Variants in FCHSD2 observed in about 807,000 individuals in gnomAD.
FCHSD2 encodes F-BAR and double SH3 domains protein 2.
Under a neutral mutation model 108.1 loss-of-function variants are expected in FCHSD2, and 38 were observed. That is an observed-to-expected ratio of 0.35 (90% CI 0.27 to 0.46). The LOEUF (loss-of-function observed/expected upper bound fraction) is 0.46. Among genes scored for constraint, FCHSD2 ranks in the 20% least tolerant of loss-of-function variants. The pLI is 1.00. For missense variants in FCHSD2, 751 were observed against 897.8 expected (o/e 0.84, Z 2.09); for synonymous variants, 279 against 314.7 (o/e 0.89, Z 1.20).
chr11:73,125,523 G>A (rs1489579708), intron 2 of FCHSD2, among the ~76,000 whole-genome samples: 1 of 152,070 alleles, frequency 6.6e-6, no homozygotes, highest in Non-Finnish European at 1.5e-5. Context: ...GGGAGACATA[G>A]TAAGACCCTG....
intron 12 of FCHSD2, among the ~76,000 whole-genome samples, chr11:72,876,635 T>C (rs374737492): frequency 1.6e-4 from 25 of 152,342 alleles, no homozygotes; most frequent in African/African-American, 5.5e-4. Flanking sequence ...AAAGAACATA[T>C]ATTCTACTCA....
intron 2 of FCHSD2, among the ~76,000 whole-genome samples, chr11:73,138,746 T>A (rs1420090531): frequency 6.6e-6 from 1 of 151,808 alleles, no homozygotes; most frequent in Non-Finnish European, 1.5e-5. Context: ...TAGCTAGGAC[T>A]ACAGGCGCAC....
intron 3 of FCHSD2, among the ~76,000 whole-genome samples, chr11:73,016,244 A>C (rs1046624462): frequency 6.6e-6 from 1 of 150,594 alleles, no homozygotes; most frequent in Non-Finnish European, 1.5e-5. Flanking sequence ...CGGAGGCTGC[A>C]GTGAGCCGAG....
chr11:72,848,556 T>C (rs182679253), intron 14 of FCHSD2, among the ~76,000 whole-genome samples: 13 of 152,372 alleles, frequency 8.5e-5, no homozygotes, highest in Admixed American at 8.5e-4. Context: ...CTTCATAGAT[T>C]GTCCATTCCT....
chr11:73,119,637 T>C (rs1418201980), intron 2 of FCHSD2, among the ~76,000 whole-genome samples: 1 of 152,090 alleles, frequency 6.6e-6, no homozygotes, highest in Non-Finnish European at 1.5e-5. Flanking sequence ...TTTGTAGAGA[T>C]GGGATTTCAC....
At chr11:72,978,574 C>T (rs1857152032) in intron 8 of FCHSD2, among the ~76,000 whole-genome samples, 1 of 152,112 alleles carries the variant, frequency 6.6e-6, no homozygotes, top group Non-Finnish European at 1.5e-5. Flanking sequence ...TTGTAATCCC[C>T]ATATATCGGG....
chr11:72,842,588 T>C, intron 17 of FCHSD2, 33 bp downstream of exon 17: 1 of 1,612,828 alleles, frequency 6.2e-7, no homozygotes, highest in Non-Finnish European at 8.5e-7. Context: ...TCTTTAAACA[T>C]CTTTTAATTC....
rs548270288 is a variant in FCHSD2, at chr11:73,044,738, T to C, written c.166-28853A>G. Among the ~76,000 whole-genome samples the C allele has an allele frequency of 3.9e-5, 6 of 152,290 alleles. No homozygotes were observed. In the South Asian group the frequency reaches 1.2e-3, roughly 32 times the overall value. On this transcript the variant is annotated intron_variant, in intron 3 of 19. Coordinates refer to ENST00000409418, the MANE Select transcript of FCHSD2 (RefSeq NM_014824.3). ...AAAACAGTGCACATAGTACATGCAA[T>C]AATTTAACATTCTAGCATGTTATAT...
At chr11:73,040,572 G>A (rs1283876761) in intron 3 of FCHSD2, among the ~76,000 whole-genome samples, 1 of 152,012 alleles carries the variant, frequency 6.6e-6, no homozygotes, top group Admixed American at 6.6e-5. Context: ...ATAAAGAAAT[G>A]AACAAACTTT....
chr11:72,905,670 T>C (rs1408164327), intron 9 of FCHSD2, among the ~76,000 whole-genome samples: 1 of 152,088 alleles, frequency 6.6e-6, no homozygotes, highest in Non-Finnish European at 1.5e-5. Context: ...CTCCCATCTA[T>C]GAGTGAGAAC....
chr11:72,969,965 T>C (rs1186980275), intron 8 of FCHSD2, among the ~76,000 whole-genome samples: 1 of 152,238 alleles, frequency 6.6e-6, no homozygotes, highest in Non-Finnish European at 1.5e-5. Flanking sequence ...TATTTTAATC[T>C]GTGACTAAGC....
rs145253354 is a variant in FCHSD2, at chr11:72,866,007, T to C, written c.1308+1858A>G. Among the ~76,000 whole-genome samples the C allele has an allele frequency of 7.2e-3, 1,093 of 152,296 alleles. 5 individuals are homozygous for C. Among genetic ancestry groups the C allele is most frequent in the Non-Finnish European group, 0.01 (713 of 68,022 alleles). On this transcript the variant is annotated intron_variant, in intron 13 of 19. Transcript: ENST00000409418. ...GAAGTAAGTACAAAGTTAGATGGTA[T>C]GTGCCTGCTCAGTTCAAAGTCAGAT...
chr11:72,896,647 A>G (rs1855423577), intron 10 of FCHSD2, among the ~76,000 whole-genome samples: 2 of 152,102 alleles, frequency 1.3e-5, no homozygotes, highest in South Asian at 4.2e-4. Context: ...GATCAATCCA[A>G]TAAGGGAGTT....
At chr11:72,984,005 C>A in intron 8 of FCHSD2, 83 bp downstream of exon 8, 6 of 1,096,500 alleles carry the variant, frequency 5.5e-6, no homozygotes, top group Non-Finnish European at 5.4e-6. Context: ...TTTATAGATT[C>A]AATCCCATAA....
chr11:72,922,206 G>A (rs1364256564), intron 8 of FCHSD2, among the ~76,000 whole-genome samples: 3 of 152,154 alleles, frequency 2.0e-5, no homozygotes, highest in African/African-American at 4.8e-5. Flanking sequence ...ACACAACTTA[G>A]AGACAAAATG....
chr11:72,957,516 C>A (rs1476887105), intron 8 of FCHSD2, among the ~76,000 whole-genome samples: 4 of 150,530 alleles, frequency 2.7e-5, no homozygotes, highest in African/African-American at 9.8e-5. Context: ...AGGAACTCTT[C>A]TAGATTGAAG....
chr11:72,934,126 A>G (rs1342213871), intron 8 of FCHSD2, among the ~76,000 whole-genome samples: 1 of 151,086 alleles, frequency 6.6e-6, no homozygotes, highest in Admixed American at 6.6e-5. Context: ...AAAAAAAAAA[A>G]AAAAAAAAGA....
At chr11:72,966,453 C>A (rs1473484747) in intron 8 of FCHSD2, among the ~76,000 whole-genome samples, 1 of 152,168 alleles carries the variant, frequency 6.6e-6, no homozygotes, top group Non-Finnish European at 1.5e-5. Context: ...AACCACCACA[C>A]CCGGACTAAA....
At chr11:73,016,897 G>A (rs1380962093) in intron 3 of FCHSD2, among the ~76,000 whole-genome samples, 1 of 152,176 alleles carries the variant, frequency 6.6e-6, no homozygotes, top group Non-Finnish European at 1.5e-5. Context: ...GATTTGAATT[G>A]AGAAGACCAT....
Sources: allele counts gnomAD v4.1 joint callset (sites outside exome capture counted in the v4.1 genomes callset), GRCh38; gene constraint gnomAD v4.1.1; transcripts MANE v1.5; gene names NCBI Gene and HGNC (gene_info 2026-07-23, HGNC 2026-07-21).